Variants in DENND1A observed in about 807,000 individuals in gnomAD.
DENND1A encodes the protein DENN domain-containing protein 1A.
Under a neutral mutation model 113.7 loss-of-function variants are expected in DENND1A, and 51 were observed. The ratio of observed to expected loss-of-function variants is 0.45; its 90% CI spans 0.36 to 0.57. The LOEUF is 0.57. Ranked by LOEUF, DENND1A falls within the 20% of genes least tolerant of loss-of-function variation. The pLI is 0.00. For synonymous variants in DENND1A, 565 were observed against 570.8 expected (o/e 0.99, Z 0.14); for missense variants, 1,258 against 1,395.9 (o/e 0.90, Z 1.57).
intron 19 of DENND1A, among the ~76,000 whole-genome samples, chr9:123,433,618 T>A (rs1409260512): frequency 6.6e-6 from 1 of 152,230 alleles, no homozygotes; most frequent in Non-Finnish European, 1.5e-5. Context: ...ATCTTCAAAT[T>A]TTCCAACTTT....
At chr9:123,865,260 C>T (rs1281229085) in intron 2 of DENND1A, among the ~76,000 whole-genome samples, 2 of 152,160 alleles carry the variant, frequency 1.3e-5, no homozygotes, top group Non-Finnish European at 2.9e-5. Context: ...AGCTTTGATC[C>T]TGCAGCAGGC....
At chr9:123,568,887 C>T (rs976356832) in intron 12 of DENND1A, among the ~76,000 whole-genome samples, 2 of 152,132 alleles carry the variant, frequency 1.3e-5, no homozygotes, top group Admixed American at 6.5e-5. Flanking sequence ...CAACTTGATC[C>T]ACTTACAGTT....
intron 12 of DENND1A, among the ~76,000 whole-genome samples, chr9:123,577,678 A>T (rs1434722323): frequency 6.6e-6 from 1 of 152,230 alleles, no homozygotes; most frequent in Non-Finnish European, 1.5e-5. Context: ...TTAAAAAGAA[A>T]TAGGTTTGTT....
chr9:123,710,268 A>C (rs1436061546), intron 5 of DENND1A, among the ~76,000 whole-genome samples: 1 of 152,226 alleles, frequency 6.6e-6, no homozygotes, highest in African/African-American at 2.4e-5. Flanking sequence ...ATTGTGATAT[A>C]AGGGCTTTTG....
intron 5 of DENND1A, among the ~76,000 whole-genome samples, chr9:123,749,844 T>C (rs1009612563): frequency 3.3e-5 from 5 of 152,216 alleles, no homozygotes; most frequent in African/African-American, 4.8e-5. Flanking sequence ...TGAGGATTAA[T>C]GACAAGGAAG....
intron 10 of DENND1A, among the ~76,000 whole-genome samples, chr9:123,611,649 C>T (rs2060423150): frequency 6.6e-6 from 1 of 152,206 alleles, no homozygotes; most frequent in Admixed American, 6.5e-5. Flanking sequence ...TACATTTAAT[C>T]ATGCAATTGA....
At chr9:123,539,638 C>T (rs547204476) in intron 13 of DENND1A, among the ~76,000 whole-genome samples, 1 of 152,140 alleles carries the variant, frequency 6.6e-6, no homozygotes, top group African/African-American at 2.4e-5. Context: ...AATTCATGCA[C>T]TTTGGGAGGC....
chr9:123,812,078 C>T (rs1836713522), intron 2 of DENND1A, among the ~76,000 whole-genome samples: 1 of 152,160 alleles, frequency 6.6e-6, no homozygotes, highest in African/African-American at 2.4e-5. Flanking sequence ...CCATTATCCT[C>T]CTCCTTCCCT....
rs140183009 is a variant in DENND1A, at chr9:123,583,828, A to G, written c.766-558T>C. ...TTCCATTTTCCACAGATATCCAGTT[A>G]GTAATGGCTCAGAAGCTCTGGCCAT... is the stretch of plus-strand genomic sequence containing the variant. On this transcript the variant is annotated intron_variant, in intron 11 of 23. Coordinates refer to ENST00000394215, the MANE Select transcript of DENND1A (RefSeq NM_001352964.2). Among the ~76,000 whole-genome samples, 6 of 152,352 alleles carry G rather than the reference A, an allele frequency of 3.9e-5. No homozygotes were observed. In the South Asian group the frequency reaches 1.2e-3, roughly 32 times the overall value.
At chr9:123,663,999 C>T (rs1053622962) in intron 8 of DENND1A, among the ~76,000 whole-genome samples, 2 of 152,174 alleles carry the variant, frequency 1.3e-5, no homozygotes, top group Admixed American at 1.3e-4. Flanking sequence ...TGAGGCCTTC[C>T]AGGGCTGCCA....
chr9:123,584,644 G>C (rs1379192701), intron 11 of DENND1A, among the ~76,000 whole-genome samples: 1 of 152,194 alleles, frequency 6.6e-6, no homozygotes, highest in East Asian at 1.9e-4. Context: ...CAACCCCTGT[G>C]AAGTGGATGT....
chr9:123,598,546 C>T (rs377368084), intron 11 of DENND1A, among the ~76,000 whole-genome samples: 3 of 151,220 alleles, frequency 2.0e-5, no homozygotes, highest in Admixed American at 1.3e-4. Flanking sequence ...TTTATACCAG[C>T]GAAAATCTAA....
intron 5 of DENND1A, among the ~76,000 whole-genome samples, chr9:123,691,087 G>A (rs2065161457): frequency 1.3e-5 from 2 of 152,194 alleles, no homozygotes; most frequent in South Asian, 4.1e-4. Context: ...TCTTAGTTGA[G>A]AGGGAATAAA....
intron 13 of DENND1A, among the ~76,000 whole-genome samples, chr9:123,472,835 G>C (rs142488705): frequency 6.6e-6 from 1 of 152,376 alleles, no homozygotes. Flanking sequence ...AGGTAGGTCT[G>C]TAAGTCTCCT....
chr9:123,523,985 C>T (rs770194927), intron 13 of DENND1A, among the ~76,000 whole-genome samples: 1 of 152,160 alleles, frequency 6.6e-6, no homozygotes, highest in Non-Finnish European at 1.5e-5. Context: ...TTTGTGCCTG[C>T]TGAAACAGCG....
chr9:123,513,352 G>A (rs2053612332), intron 13 of DENND1A, among the ~76,000 whole-genome samples: 1 of 152,230 alleles, frequency 6.6e-6, no homozygotes, highest in South Asian at 2.1e-4. Context: ...CTCTTTATAC[G>A]TCGGATGCAT....
chr9:123,456,132 T>C (rs896808552), intron 15 of DENND1A, among the ~76,000 whole-genome samples: 6 of 152,114 alleles, frequency 3.9e-5, no homozygotes, highest in African/African-American at 1.4e-4. Context: ...GTGCTCTCCA[T>C]GCAGCACAGG....
intron 19 of DENND1A, among the ~76,000 whole-genome samples, chr9:123,419,520 C>T (rs1031911883): frequency 3.3e-5 from 5 of 152,206 alleles, no homozygotes; most frequent in African/African-American, 1.2e-4. Flanking sequence ...AGAGTGTTCA[C>T]CTGGTTAATT....
intron 8 of DENND1A, among the ~76,000 whole-genome samples, chr9:123,661,840 T>C (rs2063252520): frequency 6.6e-6 from 1 of 150,944 alleles, no homozygotes; most frequent in Admixed American, 6.6e-5. Context: ...CTGAAGAAAG[T>C]AGAGAGAAAA....
Sources: gnomAD v4.1 joint callset for allele counts (sites outside exome capture counted in the v4.1 genomes callset) on GRCh38, gnomAD v4.1.1 for gene constraint, MANE v1.5 for transcripts, NCBI Gene and HGNC (gene_info 2026-07-23, HGNC 2026-07-21) for gene names.